LTBP1: variants seen among roughly 807,000 people sequenced by gnomAD.
LTBP1 encodes latent-transforming growth factor beta-binding protein 1.
A neutral mutation model predicts 207.6 loss-of-function variants in LTBP1; 129 were observed. That is an observed-to-expected ratio of 0.62 (90% CI 0.54 to 0.72). LTBP1 has a LOEUF of 0.72. LTBP1 is among the 30% of genes least tolerant of loss of function. The probability of loss-of-function intolerance (pLI) is 0.00; values close to 1 mark genes in which losing one functional copy is unlikely to be tolerated. For missense variants in LTBP1, 2,281 were observed against 2,217.2 expected (o/e 1.03, Z -0.58); for synonymous variants, 963 against 833.7 (o/e 1.16, Z -2.67).
chr2:33,222,561 A>C (rs1463485355), intron 9 of LTBP1, among the ~76,000 whole-genome samples: 4 of 152,158 alleles, frequency 2.6e-5, no homozygotes, highest in African/African-American at 9.7e-5. Context: ...CCTCTCATCA[A>C]AATGTTGTTG....
At chr2:33,254,660 A>C (rs1033948108) in intron 11 of LTBP1, among the ~76,000 whole-genome samples, 1 of 144,210 alleles carries the variant, frequency 6.9e-6, no homozygotes, top group Non-Finnish European at 1.5e-5. Context: ...TGTTGGTTAC[A>C]TATGTATACA....
intron 7 of LTBP1, among the ~76,000 whole-genome samples, chr2:33,207,798 G>T (rs1233870017): frequency 6.6e-6 from 1 of 152,158 alleles, no homozygotes; most frequent in Non-Finnish European, 1.5e-5. Context: ...TCTAGTACTG[G>T]GACACTAAAG....
chr2:33,156,576 G>T (rs2083995767), intron 5 of LTBP1, among the ~76,000 whole-genome samples: 1 of 152,088 alleles, frequency 6.6e-6, no homozygotes. Context: ...TTGCAAAAAG[G>T]CTTTGTGATC....
intron 20 of LTBP1, among the ~76,000 whole-genome samples, chr2:33,295,590 G>A (rs2093859184): frequency 6.6e-6 from 1 of 151,956 alleles, no homozygotes; most frequent in South Asian, 2.1e-4. Context: ...ATACATTTTT[G>A]GTGGTACACT....
chr2:33,219,386 G>A (rs17568051), intron 8 of LTBP1, among the ~76,000 whole-genome samples: 59,287 of 152,024 alleles, frequency 0.39, 13,076 homozygotes, highest in Non-Finnish European at 0.49. Flanking sequence ...CCTGACCAAA[G>A]GGATAGCTAT....
chr2:33,385,523 A>G (rs2095258116), intron 31 of LTBP1, among the ~76,000 whole-genome samples: 1 of 152,234 alleles, frequency 6.6e-6, no homozygotes, highest in Non-Finnish European at 1.5e-5. Context: ...TCACAACATT[A>G]TCTCATTTTT....
At chr2:33,241,553 A>G (rs11681246) in intron 9 of LTBP1, among the ~76,000 whole-genome samples, 53,638 of 152,090 alleles carry the variant, frequency 0.35, 9,908 homozygotes, top group Middle Eastern at 0.47. Flanking sequence ...GTGCTGTTAT[A>G]GAAACCACCT....
intron 4 of LTBP1, among the ~76,000 whole-genome samples, chr2:33,113,329 G>A (rs1354076234): frequency 1.3e-5 from 2 of 152,096 alleles, no homozygotes; most frequent in Non-Finnish European, 2.9e-5. Flanking sequence ...CAAGCCCAAG[G>A]GAATAAGGAT....
At chr2:33,301,427 T>C (rs1369454885) in intron 21 of LTBP1, 95 bp from the exon 22 acceptor site, 2 of 1,384,158 alleles carry the variant, frequency 1.4e-6, no homozygotes, top group African/African-American at 2.9e-5. Context: ...GTATCAACAT[T>C]GTCTTTCTAG....
chr2:33,389,207 A>G lies in LTBP1; in HGVS notation c.4735A>G (p.Ile1579Val), dbSNP rs2095294001. Residue 1579 changes from isoleucine (I) to valine (V), a missense_variant, in exon 32 of 34, where the codon ATC becomes GTC. Physicochemically the swap from Ile to Val is conservative, Grantham distance 29 (BLOSUM62 3). This residue lies in a region of LTBP1 where 1,671 missense variants were observed against 1,634.8 expected (regional missense o/e 1.02). Transcript: ENST00000404816. ...DSDDYAQLCNIPVTGRRQPYG... is the reference protein window; with the variant it reads ...DSDDYAQLCNVPVTGRRQPYG... Reference sequence around the variant, plus strand: ...AGATGACTATGCTCAGCTGTGTAACATCCCCGTGACGGGACGCCGGCAGCC... The same window carrying G: ...AGATGACTATGCTCAGCTGTGTAACGTCCCCGTGACGGGACGCCGGCAGCC... 6.2e-7 allele frequency: 1 copy of G among 1,614,054 alleles called. No homozygotes were observed. Among genetic ancestry groups the G allele is most frequent in the Non-Finnish European group, 8.5e-7 (1 of 1,180,036 alleles).
chr2:33,270,589 C>CAAAAA (rs397961095), intron 15 of LTBP1, among the ~76,000 whole-genome samples: 54 of 75,038 alleles, frequency 7.2e-4, no homozygotes, highest in Middle Eastern at 6.7e-3. Flanking sequence ...GACTCCGTCT[C>CAAAAA]AAAAAAAAAA....
At position 33,378,328 on chromosome 2, in the gene LTBP1, C is replaced by T. The variant is rs576829127; in HGVS notation, c.4712-10856C>T. Reference sequence around the variant, plus strand: ...GAAACTTCTGCCTCCTGGGTTCAAGCGATTCACCTGCCACAGCCTCCCGAG... The same window carrying T: ...GAAACTTCTGCCTCCTGGGTTCAAGTGATTCACCTGCCACAGCCTCCCGAG... On this transcript the variant is annotated intron_variant, in intron 31 of 33. Transcript: ENST00000404816. Among the ~76,000 whole-genome samples the T allele has an allele frequency of 6.6e-5, 10 of 151,826 alleles. 1 individual carries two copies. Among genetic ancestry groups the T allele is most frequent in the African/African-American group, 2.4e-4 (10 of 41,392 alleles).
intron 2 of LTBP1, among the ~76,000 whole-genome samples, chr2:33,005,540 C>CGA (rs1686726391): frequency 6.6e-6 from 1 of 151,252 alleles, no homozygotes; most frequent in Non-Finnish European, 1.5e-5. Flanking sequence ...ATGTCACTTT[C>CGA]AGAACAGTGA....
chr2:33,188,802 C>T lies in LTBP1; in HGVS notation c.1652C>T (p.Ala551Val), dbSNP rs141814525. 5.0e-6 allele frequency: 8 copies of T among 1,614,088 alleles called. No individual in the cohort carries two copies. In the African/African-American group the frequency reaches 8.0e-5, roughly 16 times the overall value. Residue 551 changes from alanine to valine, a missense_variant, in exon 7 of 34, where the codon GCT becomes GTT. Around this residue, in one of 3 missense-constraint regions of LTBP1, gnomAD observed 1,671 missense variants for 1,634.8 expected, o/e 1.02. Coordinates refer to ENST00000404816, the MANE Select transcript of LTBP1 (RefSeq NM_206943.4). ...QQVIPHVYPVAAKTQLGRCFQ... is the reference protein window; with the variant it reads ...QQVIPHVYPVVAKTQLGRCFQ... ...GTCATTCCTCACGTCTACCCCGTGGCTGCTAAGACACAGCTTGGCCGGTGC... is the reference window on the plus strand; with the variant it reads ...GTCATTCCTCACGTCTACCCCGTGGTTGCTAAGACACAGCTTGGCCGGTGC...
At chr2:33,066,671 C>T (rs2077526164) in intron 3 of LTBP1, among the ~76,000 whole-genome samples, 1 of 152,160 alleles carries the variant, frequency 6.6e-6, no homozygotes, top group Admixed American at 6.5e-5. Context: ...ACAATATTTT[C>T]AACTCACAGA....
At chr2:33,091,075 C>G (rs763321270) in intron 3 of LTBP1, among the ~76,000 whole-genome samples, 4 of 152,188 alleles carry the variant, frequency 2.6e-5, no homozygotes, top group East Asian at 1.9e-4. Context: ...CTCTGGGTAG[C>G]AGCACTTTTG....
At chr2:33,296,064 C>T (rs1297046339) in intron 20 of LTBP1, among the ~76,000 whole-genome samples, 2 of 152,144 alleles carry the variant, frequency 1.3e-5, no homozygotes, top group Non-Finnish European at 2.9e-5. Context: ...CTCCTCAGAC[C>T]AAATTAAATA....
intron 3 of LTBP1, among the ~76,000 whole-genome samples, chr2:33,042,615 C>T (rs2076244413): frequency 6.6e-6 from 1 of 152,138 alleles, no homozygotes; most frequent in South Asian, 2.1e-4. Flanking sequence ...ACTGCAAGGC[C>T]CAATTCCCAT....
chr2:33,389,338 A>G, intron 32 of LTBP1, 32 bp downstream of exon 32: 1 of 1,612,240 alleles, frequency 6.2e-7, no homozygotes, highest in East Asian at 2.2e-5. Flanking sequence ...CTTTGATACT[A>G]AGTTGTGGTT....
Sources: gnomAD v4.1 joint callset for allele counts (sites outside exome capture counted in the v4.1 genomes callset) on GRCh38, gnomAD v4.1.1 for gene constraint, gnomAD v4.1.1 regional missense constraint, MANE v1.5 for transcripts, NCBI Gene and HGNC (gene_info 2026-07-23, HGNC 2026-07-21) for gene names.